Variants in IL4 observed in about 807,000 individuals in gnomAD.
IL4 encodes interleukin-4.
Under a neutral mutation model 17.4 loss-of-function variants are expected in IL4, and 10 were observed. That is an observed-to-expected ratio of 0.57 (90% CI 0.35 to 0.97). The LOEUF (loss-of-function observed/expected upper bound fraction) is 0.97, where lower values mean the gene tolerates loss of function less well. IL4 is among the 50% of genes least tolerant of loss of function. The probability of loss-of-function intolerance (pLI) is 0.01; values close to 1 mark genes in which losing one functional copy is unlikely to be tolerated. For missense variants in IL4, 174 were observed against 187.7 expected, an observed-to-expected ratio of 0.93 and a Z score of 0.43; for synonymous variants, 87 against 79.0, an observed-to-expected ratio of 1.10 and a Z score of -0.54.
intron 2 of IL4, among the ~76,000 whole-genome samples, chr5:132,675,885 G>GTA (rs1289157042): frequency 0.011 from 1,559 of 142,086 alleles, 93 homozygotes; most frequent in Admixed American, 0.099. Flanking sequence ...GTGTATATAT[G>GTA]TGTGTGTGTA....
Position 132,674,131 on chromosome 5 carries a change from C to T in IL4, c.81C>T (p.Cys27=), listed in dbSNP as rs1030020130. 1.6e-5 allele frequency: 26 copies of T among 1,613,902 alleles called. 1 individual carries two copies. In the Middle Eastern group the frequency reaches 4.9e-4, roughly 31 times the overall value. ...GCAACTTTGTCCACGGACACAAGTG[C>T]GATATCACCTTACAGGAGATCATCA... The part of the protein sequence containing the change: ...CAGNFVHGHK[C]DITLQEIIKT... Residue 27 remains cysteine (C), a synonymous_variant, in exon 1 of 4, where the codon TGC becomes TGT. Transcript: ENST00000231449.
At chr5:132,679,633 G>A in intron 2 of IL4, 81 bp from the exon 3 acceptor site, 2 of 1,273,728 alleles carry the variant, frequency 1.6e-6, no homozygotes, top group East Asian at 4.7e-5. Context: ...CTCCTGGAAA[G>A]AAGAAATCAA....
At chr5:132,679,248 G>T (rs1488668134) in intron 2 of IL4, among the ~76,000 whole-genome samples, 1 of 152,206 alleles carries the variant, frequency 6.6e-6, no homozygotes, top group Non-Finnish European at 1.5e-5. Context: ...CAGGCATGCA[G>T]GATTTCCAGG....
chr5:132,682,435 A>T lies in IL4; in HGVS notation c.361-51A>T, dbSNP rs1471400596. 3.7e-6 allele frequency: 4 copies of T among 1,083,222 alleles called. No homozygotes were observed. The South Asian group carries it at 5.2e-5, about 14-fold the overall frequency. 67.1% of individuals were successfully genotyped at this position (1,083,222 alleles called of 1,614,324 possible). A position where few individuals can be genotyped will look rare whatever the true frequency, so the allele number is the denominator to read the frequency against. ...AGTAGGCTTGATCAAGTAGACAGGC[A>T]GGCAAGACAAATGCTTACCAATGCA... On this transcript the variant is annotated intron_variant, in intron 3 of 3. Coordinates refer to ENST00000231449, the MANE Select transcript of IL4 (RefSeq NM_000589.4).
Position 132,674,459 on chromosome 5 carries a change from ACT to A in IL4, c.139_140del (p.Leu47ValfsTer18). 1 of 1,613,876 alleles carries A rather than the reference ACT, an allele frequency of 6.2e-7. No homozygotes were observed. Among genetic ancestry groups the A allele is most frequent in the Non-Finnish European group, 8.5e-7 (1 of 1,179,872 alleles). ...KTLNSLTEQK[T>X]LCTELTVTDI... ...CTCTCTCATTTCTGCCTGGACCAAG[ACT>A]CTGTGCACCGAGTTGACCGTAACAG... On this transcript the variant is annotated frameshift_variant and splice_region_variant, in exon 2 of 4. Coordinates refer to ENST00000231449, the MANE Select transcript of IL4 (RefSeq NM_000589.4). LOFTEE classifies it high-confidence loss of function.
intron 2 of IL4, 95 bp downstream of exon 2, chr5:132,674,601 C>A: frequency 3.2e-6 from 3 of 936,468 alleles, no homozygotes; most frequent in Non-Finnish European, 5.2e-6. Flanking sequence ...CGAGCGGGCC[C>A]AAATTAACTC....
Position 132,680,930 on chromosome 5 carries a change from G to A in IL4, c.360+1040G>A, listed in dbSNP as rs188207586. Among the ~76,000 whole-genome samples, 6 of 152,332 alleles carry A rather than the reference G, an allele frequency of 3.9e-5. No individual in the cohort carries two copies. The East Asian group carries it at 9.6e-4, about 24-fold the overall frequency. On this transcript the variant is annotated intron_variant, in intron 3 of 3. Coordinates refer to ENST00000231449, the MANE Select transcript of IL4 (RefSeq NM_000589.4). The surrounding 1 kb of genome is among the most constrained non-coding windows in gnomAD (Gnocchi z 4.3). ...TTGTTCCTGCCCAAACCCCTCTGGC[G>A]ATGGTCAGTACTGTTTACAGAGAGA...
At chr5:132,678,661 T>C (rs144191040) in intron 2 of IL4, among the ~76,000 whole-genome samples, 12 of 152,332 alleles carry the variant, frequency 7.9e-5, no homozygotes, top group African/African-American at 2.4e-4. Context: ...GTGATGTCCA[T>C]GCTGCTGGTC....
chr5:132,675,653 A>G (rs1243514776), intron 2 of IL4, among the ~76,000 whole-genome samples: 1 of 151,318 alleles, frequency 6.6e-6, no homozygotes, highest in East Asian at 1.9e-4. Flanking sequence ...GGCTCAAGCT[A>G]TCTTCCTACC....
chr5:132,677,089 T>G (rs550866911), intron 2 of IL4, among the ~76,000 whole-genome samples: 2 of 152,370 alleles, frequency 1.3e-5, no homozygotes, highest in South Asian at 4.1e-4. Flanking sequence ...AGTTCCATAA[T>G]GAACCTCAAA....
Position 132,682,549 on chromosome 5 carries a change from A to G in IL4, c.424A>G (p.Thr142Ala). The G allele has an allele frequency of 6.2e-7, 1 of 1,610,912 alleles. No individual in the cohort carries two copies. The highest frequency in any genetic ancestry group is 1.3e-5 in the African/African-American group (1 of 75,006). ...GGAAAACTTCTTGGAAAGGCTAAAG[A>G]CGATCATGAGAGAGAAATATTCAAA... ...TLENFLERLK[T>A]IMREKYSKCS... Residue 142 changes from threonine (T) to alanine (A), a missense_variant, in exon 4 of 4, where the codon ACG (threonine) becomes GCG (alanine). Thr to Ala is a moderately conservative substitution (Grantham distance 58, BLOSUM62 0). Coordinates refer to ENST00000231449, the MANE Select transcript of IL4 (RefSeq NM_000589.4).
intron 3 of IL4, 46 bp downstream of exon 3, chr5:132,679,936 T>G: frequency 6.5e-7 from 1 of 1,527,884 alleles, no homozygotes; most frequent in Non-Finnish European, 8.9e-7. Flanking sequence ...TGGCTCCTGG[T>G]GGACAGCAGC....
chr5:132,681,381 T>G (rs1752484834), intron 3 of IL4, among the ~76,000 whole-genome samples: 2 of 152,038 alleles, frequency 1.3e-5, no homozygotes, highest in African/African-American at 4.8e-5. Flanking sequence ...GAAAGGCCCC[T>G]GGGTTTGGCT....
intron 2 of IL4, among the ~76,000 whole-genome samples, chr5:132,677,110 T>A (rs1009680185): frequency 5.3e-5 from 8 of 152,204 alleles, no homozygotes; most frequent in Non-Finnish European, 1.2e-4. Context: ...TACCTCTGTT[T>A]TTTGAAGGAG....
At chr5:132,679,962 T>G in intron 3 of IL4, 72 bp downstream of exon 3, 2 of 1,293,020 alleles carry the variant, frequency 1.5e-6, no homozygotes, top group Non-Finnish European at 1.1e-6. Context: ...TTCTAAACAC[T>G]CCTTAGGAGC....
chr5:132,677,677 C>T (rs1462908381), intron 2 of IL4: 1 of 152,036 alleles, frequency 6.6e-6, no homozygotes, highest in African/African-American at 2.4e-5. Flanking sequence ...GTTTAATTTC[C>T]AGGCTCCAAG....
chr5:132,679,383 G>A (rs548326063), intron 2 of IL4, among the ~76,000 whole-genome samples: 2 of 152,216 alleles, frequency 1.3e-5, no homozygotes, highest in Non-Finnish European at 2.9e-5. Context: ...GGGCTGTAGC[G>A]ACAGATGGTC....
At chr5:132,679,225 C>T (rs555320907) in intron 2 of IL4, among the ~76,000 whole-genome samples, 6 of 152,304 alleles carry the variant, frequency 3.9e-5, no homozygotes, top group African/African-American at 1.2e-4. Flanking sequence ...AGGATGTGCA[C>T]TCATTTATTC....
intron 3 of IL4, 50 bp downstream of exon 3, chr5:132,679,940 C>G: frequency 6.6e-7 from 1 of 1,508,296 alleles, no homozygotes; most frequent in Non-Finnish European, 9.0e-7. Context: ...TCCTGGTGGA[C>G]AGCAGCCTCA....
Sources: gnomAD v4.1 joint callset for allele counts (sites outside exome capture counted in the v4.1 genomes callset) on GRCh38, gnomAD v4.1.1 for gene constraint, Gnocchi (gnomAD v3.1) non-coding constraint, MANE v1.5 for transcripts, NCBI Gene and HGNC (gene_info 2026-07-23, HGNC 2026-07-21) for gene names.